Variants in ORMDL1 observed in about 807,000 individuals in gnomAD.
ORMDL1 encodes the protein ORMDL sphingolipid biosynthesis regulator 1, also known as ORM1-like protein 1.
In ORMDL1, 10 loss-of-function variants were observed where a neutral mutation model predicts 13.0. The observed-to-expected ratio is 0.77, with a 90% CI of 0.47 to 1.30. ORMDL1 has a LOEUF of 1.30. Among genes scored for constraint, ORMDL1 ranks in the 50% most tolerant of loss-of-function variants. The pLI, the probability that ORMDL1 is intolerant of heterozygous loss-of-function variation, is 0.00. For missense variants in ORMDL1, 171 were observed against 186.7 expected, an observed-to-expected ratio of 0.92 and a Z score of 0.49; for synonymous variants, 61 against 63.9, an observed-to-expected ratio of 0.95 and a Z score of 0.22.
rs1199526227 is a variant in ORMDL1 at position 189,782,573 on chromosome 2, C to T, written c.23G>A (p.Ser8Asn). 1 of 1,614,130 alleles carries T rather than the reference C, an allele frequency of 6.2e-7. No homozygotes were observed. Among genetic ancestry groups the T allele is most frequent in the South Asian group, 1.1e-5 (1 of 91,082 alleles). Residue 8 changes from serine to asparagine, a missense_variant, in exon 3 of 5, where the codon AGT (serine) becomes AAT (asparagine). By Grantham distance (46) the Ser-to-Asn change is conservative (BLOSUM62 1). Transcript: ENST00000392349. ...GACACGGGTATTTGGATTCACTTCA[C>T]TGTGGGCAACTCCAACGTTCATGTT... Reference protein sequence around the residue: MNVGVAHSEVNPNTRVMN... With the variant: MNVGVAHNEVNPNTRVMN...
chr2:189,781,939 T>TA (rs1261065770), intron 3 of ORMDL1, among the ~76,000 whole-genome samples: 1 of 104,262 alleles, frequency 9.6e-6, no homozygotes, highest in Non-Finnish European at 1.9e-5. Flanking sequence ...TTTACCATCT[T>TA]AGACACTTTT....
intron 4 of ORMDL1, chr2:189,773,766 C>A: frequency 6.6e-6 from 1 of 150,994 alleles, no homozygotes; most frequent in Admixed American, 6.6e-5. Flanking sequence ...GTCACACCTA[C>A]CTGACAAATA....
Position 189,782,494 on chromosome 2 carries a change from A to G in ORMDL1, c.102T>C (p.His34=). The change falls in exon 3 of 5, where the codon CAT becomes CAC. Residue 34 remains histidine (H), a synonymous_variant. Transcript: ENST00000392349. The stretch of plus-strand genomic sequence containing the variant: ...AGAAGGGAATGCTGAGTAAGACAAT[A>G]TGAAGCAAGCCAACTCCCAATGCAT... The part of the protein sequence containing the change: ...LTYALGVGLL[H]IVLLSIPFFS... 1.2e-6 allele frequency: 2 copies of G among 1,614,224 alleles called. No homozygotes were observed. Among genetic ancestry groups the G allele is most frequent in the Non-Finnish European group, 1.7e-6 (2 of 1,180,016 alleles).
Position 189,771,628 on chromosome 2 carries a change from A to C in ORMDL1, c.*139T>G, listed in dbSNP as rs1385390800. The C allele has an allele frequency of 7.3e-6, 5 of 687,238 alleles. No individual in the cohort carries two copies. The highest frequency in any genetic ancestry group is 4.8e-5 in the South Asian group (2 of 41,432). The allele number at this position is 687,238 out of a possible 1,614,324, so 42.6% of individuals were successfully genotyped here. ...ATGGAAATCTGCACTTCAAAACAGC[A>C]CTTGAAGGACCAGCCATTGGCCCTC... is the stretch of plus-strand genomic sequence containing the variant. On this transcript the variant is annotated 3_prime_UTR_variant, in exon 5 of 5. Transcript: ENST00000392349.
At chr2:189,778,127 C>T (rs2047737842) in intron 3 of ORMDL1, 1 of 447,580 alleles carries the variant, frequency 2.2e-6, no homozygotes, top group Non-Finnish European at 4.5e-6. Flanking sequence ...GGCATCTAAA[C>T]CGTGGTGGCT....
At position 189,771,781 on chromosome 2, in the gene ORMDL1, T is replaced by C; in HGVS notation, c.448A>G (p.Ile150Val). 6.3e-7 allele frequency: 1 copy of C among 1,594,086 alleles called. No homozygotes were observed. Among genetic ancestry groups the C allele is most frequent in the Non-Finnish European group, 8.5e-7 (1 of 1,174,690 alleles). ...PQLHGVRIFG[I>V]NKY is the part of the protein sequence containing the mutation. ...TTCAAAACATTTCAATACTTATTAA[T>C]TCCAAAGATCCGAACACCATGTAGT... The change falls in exon 5 of 5, where the codon ATT becomes GTT. Residue 150 changes from isoleucine to valine, a missense_variant. Transcript: ENST00000392349.
intron 4 of ORMDL1, chr2:189,775,356 A>G (rs963363357): frequency 1.0e-5 from 5 of 488,236 alleles, no homozygotes. Flanking sequence ...TTAGCATGTA[A>G]TATTGTCTCC....
At chr2:189,767,329 A>C (rs916749196), downstream of ORMDL1, among the ~76,000 whole-genome samples, 9 of 152,212 alleles carry the variant, frequency 5.9e-5, no homozygotes, top group African/African-American at 2.2e-4. Flanking sequence ...CAAATGTTTC[A>C]AAGGATCTCT....
intron 3 of ORMDL1, among the ~76,000 whole-genome samples, chr2:189,782,129 G>A (rs146599345): frequency 0.034 from 5,189 of 152,188 alleles, 106 homozygotes; most frequent in South Asian, 0.07. Flanking sequence ...TTTTAGTAGA[G>A]ATGAGGTTTC....
downstream of ORMDL1, among the ~76,000 whole-genome samples, chr2:189,767,466 T>G (rs191985182): frequency 3.9e-5 from 6 of 152,344 alleles, no homozygotes; most frequent in South Asian, 4.1e-4. Flanking sequence ...TGCAGAATAT[T>G]TGAAAACTCC....
chr2:189,769,012 T>TTA (rs1491514599), downstream of ORMDL1, among the ~76,000 whole-genome samples: 47 of 152,322 alleles, frequency 3.1e-4, no homozygotes, highest in African/African-American at 1.1e-3. Context: ...TAGAATATAC[T>TTA]GTCTTATAAG....
At chr2:189,783,685 T>G (rs944863609) in intron 1 of ORMDL1, 2 of 152,214 alleles carry the variant, frequency 1.3e-5, no homozygotes, top group Admixed American at 1.3e-4. Context: ...TATCATACAT[T>G]AAACTATTAT....
At chr2:189,769,759 TAATA>T (rs1490270669), downstream of ORMDL1, among the ~76,000 whole-genome samples, 1 of 152,148 alleles carries the variant, frequency 6.6e-6, no homozygotes, top group Non-Finnish European at 1.5e-5. Context: ...AAAAAGATTC[TAATA>T]AATAATTATA....
intron 3 of ORMDL1, among the ~76,000 whole-genome samples, chr2:189,779,894 A>G (rs991559039): frequency 3.9e-5 from 6 of 152,240 alleles, no homozygotes; most frequent in Non-Finnish European, 8.8e-5. Flanking sequence ...TCTTGTTTGC[A>G]TACGATGGTT....
chr2:189,765,839 ATTTTT>A (rs72132150), downstream of ORMDL1, among the ~76,000 whole-genome samples: 3 of 106,750 alleles, frequency 2.8e-5, no homozygotes, highest in African/African-American at 3.6e-5. Context: ...TACTTTCTCC[ATTTTT>A]TTTTTTTTTT....
intron 4 of ORMDL1, chr2:189,775,131 T>G: frequency 6.5e-6 from 1 of 153,530 alleles, no homozygotes; most frequent in Non-Finnish European, 1.5e-5. Context: ...CTGACCTACT[T>G]TTTTCGAAAC....
intron 1 of ORMDL1, 159 bp from the exon 2 acceptor site, chr2:189,783,282 C>G (rs1259549892): frequency 6.6e-6 from 1 of 152,162 alleles, no homozygotes; most frequent in African/African-American, 2.4e-5. Context: ...AAGGTTTTCC[C>G]TTCTCCTTTC....
intron 3 of ORMDL1, 101 bp from the exon 4 acceptor site, chr2:189,775,817 G>A (rs2047683511): frequency 8.8e-7 from 1 of 1,130,982 alleles, no homozygotes; most frequent in Non-Finnish European, 1.2e-6. Flanking sequence ...GAGAGTGTGT[G>A]ATTTAACTGA....
intron 4 of ORMDL1, 42 bp downstream of exon 4, chr2:189,775,523 C>T (rs772585085): frequency 6.6e-7 from 1 of 1,513,064 alleles, no homozygotes; most frequent in Non-Finnish European, 8.9e-7. Flanking sequence ...ATATCTTCCT[C>T]TTATCCAATC....
Sources: gnomAD v4.1 joint callset for allele counts (sites outside exome capture counted in the v4.1 genomes callset) on GRCh38, gnomAD v4.1.1 for gene constraint, MANE v1.5 for transcripts, NCBI Gene and HGNC (gene_info 2026-07-23, HGNC 2026-07-21) for gene names.